The following DCC variants were observed in gnomAD, a reference collection of about 807,000 sequenced individuals.
DCC encodes DCC netrin 1 receptor, also known as netrin receptor DCC.
In DCC, 58 loss-of-function variants were observed where a neutral mutation model predicts 172.5. The ratio of observed to expected loss-of-function variants is 0.34; its 90% CI spans 0.27 to 0.42. The LOEUF (loss-of-function observed/expected upper bound fraction) is 0.42, where lower values mean the gene tolerates loss of function less well. DCC is among the 10% of genes least tolerant of loss of function. The pLI is 1.00. For missense variants in DCC, 1,740 were observed against 1,791.0 expected, an observed-to-expected ratio of 0.97 and a Z score of 0.51; for synonymous variants, 709 against 644.5, an observed-to-expected ratio of 1.10 and a Z score of -1.52.
intron 5 of DCC, among the ~76,000 whole-genome samples, chr18:53,012,856 T>A (rs549283660): frequency 1.5e-4 from 23 of 152,048 alleles, no homozygotes; most frequent in Non-Finnish European, 2.4e-4. Flanking sequence ...ATCCAGCATC[T>A]ATAAGGAACT....
chr18:53,418,011 A>G (rs745433688), intron 21 of DCC, among the ~76,000 whole-genome samples: 2 of 151,994 alleles, frequency 1.3e-5, no homozygotes, highest in African/African-American at 4.8e-5. Flanking sequence ...GAACAAAAGG[A>G]CCCCCTCAAG....
At chr18:52,420,838 G>A (rs1431523882) in intron 1 of DCC, among the ~76,000 whole-genome samples, 2 of 152,192 alleles carry the variant, frequency 1.3e-5, no homozygotes. Context: ...CTAAAATTAG[G>A]TTTAATGAGG....
chr18:52,633,286 T>C (rs574788275), intron 1 of DCC, among the ~76,000 whole-genome samples: 1 of 152,306 alleles, frequency 6.6e-6, no homozygotes, highest in African/African-American at 2.4e-5. Context: ...CTTCTGGTCC[T>C]TTGCAGGAAT....
intron 26 of DCC, among the ~76,000 whole-genome samples, chr18:53,493,476 C>T (rs2045982722): frequency 1.3e-5 from 2 of 152,090 alleles, no homozygotes; most frequent in African/African-American, 4.8e-5. Flanking sequence ...TTGTAAATAG[C>T]TCTTATTATT....
At chr18:53,301,384 C>T (rs955566512) in intron 12 of DCC, among the ~76,000 whole-genome samples, 4 of 151,952 alleles carry the variant, frequency 2.6e-5, no homozygotes, top group South Asian at 2.1e-4. Context: ...CCACTGCACC[C>T]GGCTGTGTCT....
intron 2 of DCC, among the ~76,000 whole-genome samples, chr18:52,856,034 G>A (rs985194312): frequency 6.6e-6 from 1 of 151,490 alleles, no homozygotes; most frequent in African/African-American, 2.4e-5. Flanking sequence ...CAAAGTGCTG[G>A]GATTACAGGC....
chr18:52,990,413 G>A (rs1012008110), intron 5 of DCC, among the ~76,000 whole-genome samples: 11 of 151,778 alleles, frequency 7.2e-5, no homozygotes, highest in Non-Finnish European at 1.2e-4. Flanking sequence ...GGTGGTCCAT[G>A]CCTGTAATCC....
intron 15 of DCC, among the ~76,000 whole-genome samples, chr18:53,345,235 AAACAGTGGCCCCTC>A (rs2057710082): frequency 6.6e-6 from 1 of 151,986 alleles, no homozygotes; most frequent in Admixed American, 6.6e-5. Flanking sequence ...GTCTATACAA[AAACAGTGGCCCCTC>A]AACTATAATT....
At chr18:53,136,958 C>G (rs1423137734) in intron 7 of DCC, among the ~76,000 whole-genome samples, 2 of 152,136 alleles carry the variant, frequency 1.3e-5, no homozygotes, top group East Asian at 3.9e-4. Context: ...ATTGAATGTC[C>G]AGGCCCTAAA....
intron 5 of DCC, among the ~76,000 whole-genome samples, chr18:53,058,466 G>C (rs549425607): frequency 3.4e-4 from 52 of 152,132 alleles, no homozygotes; most frequent in African/African-American, 1.2e-3. Flanking sequence ...TTTAATTAGA[G>C]ATGACTTTAT....
chr18:53,141,399 A>T (rs1368821820), intron 7 of DCC, among the ~76,000 whole-genome samples: 3 of 152,220 alleles, frequency 2.0e-5, no homozygotes, highest in Non-Finnish European at 4.4e-5. Context: ...ATTATTTATC[A>T]TAATCGTTAA....
Position 53,454,598 on chromosome 18 carries a change from T to C in DCC, c.3392+3936T>C, listed in dbSNP as rs185223324. ...TGTCTGAATGCTTTAAATTTAAACATGTAAATAAAACCTAAGGTGTACTTG... is the reference window on the plus strand; with the variant it reads ...TGTCTGAATGCTTTAAATTTAAACACGTAAATAAAACCTAAGGTGTACTTG... On this transcript the variant is annotated intron_variant, in intron 23 of 28. Coordinates refer to ENST00000442544, the MANE Select transcript of DCC (RefSeq NM_005215.4). Among the ~76,000 whole-genome samples, 5 of 152,290 alleles carry C rather than the reference T, an allele frequency of 3.3e-5. No homozygotes were observed. The East Asian group carries it at 9.7e-4, about 29-fold the overall frequency.
chr18:53,232,248 T>C (rs570210052), intron 12 of DCC, among the ~76,000 whole-genome samples: 2 of 152,278 alleles, frequency 1.3e-5, no homozygotes, highest in Admixed American at 1.3e-4. Flanking sequence ...TTTCTACAAA[T>C]ATTTCTCTTT....
chr18:52,828,980 G>T (rs530265880), intron 2 of DCC, among the ~76,000 whole-genome samples: 1 of 152,098 alleles, frequency 6.6e-6, no homozygotes, highest in East Asian at 1.9e-4. Context: ...CTATGTATAT[G>T]GTCAGGTAAT....
intron 2 of DCC, among the ~76,000 whole-genome samples, chr18:52,769,219 T>A (rs2037302038): frequency 6.6e-6 from 1 of 152,228 alleles, no homozygotes; most frequent in Non-Finnish European, 1.5e-5. Context: ...AGTTTGTTGC[T>A]CCACATAACC....
At chr18:53,175,026 G>A (rs919424167) in intron 8 of DCC, among the ~76,000 whole-genome samples, 54 of 151,304 alleles carry the variant, frequency 3.6e-4, no homozygotes, top group African/African-American at 1.2e-3. Flanking sequence ...TTCAATATAC[G>A]CAAATCAATA....
At chr18:52,354,330 T>A (rs1984263967) in intron 1 of DCC, among the ~76,000 whole-genome samples, 1 of 152,200 alleles carries the variant, frequency 6.6e-6, no homozygotes, top group African/African-American at 2.4e-5. Flanking sequence ...AACACACTGT[T>A]AGTCCTATGA....
chr18:53,427,523 G>A (rs1022337122), intron 21 of DCC, among the ~76,000 whole-genome samples: 2 of 151,898 alleles, frequency 1.3e-5, no homozygotes, highest in Non-Finnish European at 2.9e-5. Flanking sequence ...TGTGACAAGG[G>A]TGATCAGGAG....
At chr18:52,894,906 A>C (rs2145427711) in intron 2 of DCC, among the ~76,000 whole-genome samples, 1 of 152,350 alleles carries the variant, frequency 6.6e-6, no homozygotes, top group East Asian at 1.9e-4. Context: ...ACACCCTTAT[A>C]GACACATCCA....
Sources: gnomAD v4.1 joint callset for allele counts (sites outside exome capture counted in the v4.1 genomes callset) on GRCh38, gnomAD v4.1.1 for gene constraint, MANE v1.5 for transcripts, NCBI Gene and HGNC (gene_info 2026-07-23, HGNC 2026-07-21) for gene names.